Variants in PIK3C3 observed in about 807,000 individuals in gnomAD.
PIK3C3 encodes the protein PI3-kinase type 3.
In PIK3C3, 95 loss-of-function variants were observed where a neutral mutation model predicts 126.1. The observed-to-expected ratio is 0.75, with a 90% CI of 0.64 to 0.89. The LOEUF (loss-of-function observed/expected upper bound fraction) is 0.89, where lower values mean the gene tolerates loss of function less well. PIK3C3 is among the 40% of genes least tolerant of loss of function. PIK3C3 has a pLI of 0.00. For missense variants in PIK3C3, 829 were observed against 1,063.2 expected (o/e 0.78, Z 3.06); for synonymous variants, 374 against 360.0 (o/e 1.04, Z -0.44).
At chr18:41,957,857 A>G (rs991678878) in intron 2 of PIK3C3, 99 bp downstream of exon 2, 13 of 861,154 alleles carry the variant, frequency 1.5e-5, no homozygotes, top group Admixed American at 5.2e-5. Context: ...GGAATTTCTT[A>G]ATACCTATAG....
intron 4 of PIK3C3, among the ~76,000 whole-genome samples, chr18:41,985,709 A>G (rs781551611): frequency 6.6e-6 from 1 of 152,182 alleles, no homozygotes; most frequent in Non-Finnish European, 1.5e-5. Flanking sequence ...TAGTGACTGT[A>G]CCAGTTTTAG....
intron 4 of PIK3C3, among the ~76,000 whole-genome samples, chr18:41,984,098 G>GC (rs1408651980): frequency 1.3e-5 from 2 of 151,678 alleles, no homozygotes; most frequent in African/African-American, 4.8e-5. Context: ...CCTAGAATGG[G>GC]CATCCTAGTG....
At chr18:41,980,921 T>G (rs549877358) in intron 4 of PIK3C3, among the ~76,000 whole-genome samples, 48 of 152,254 alleles carry the variant, frequency 3.2e-4, no homozygotes, top group Non-Finnish European at 5.6e-4. Flanking sequence ...GAGTCTTATA[T>G]TTTTTTCTTC....
intron 24 of PIK3C3, among the ~76,000 whole-genome samples, chr18:42,069,795 GC>G (rs1985700612): frequency 6.6e-6 from 1 of 152,274 alleles, no homozygotes; most frequent in Admixed American, 6.5e-5. Context: ...ATATAATGGA[GC>G]TAAAACTCCA....
At chr18:42,001,684 T>A (rs1982297943) in intron 9 of PIK3C3, among the ~76,000 whole-genome samples, 1 of 152,176 alleles carries the variant, frequency 6.6e-6, no homozygotes, top group Admixed American at 6.6e-5. Context: ...GGCAGCAGCA[T>A]ACTTCATAAA....
At chr18:42,063,827 G>A (rs1223114812) in intron 22 of PIK3C3, among the ~76,000 whole-genome samples, 3 of 152,074 alleles carry the variant, frequency 2.0e-5, no homozygotes, top group Non-Finnish European at 4.4e-5. Flanking sequence ...AGAGAAGACA[G>A]TGCAAGGCGC....
rs190549729 is a variant in PIK3C3, at chr18:42,004,791, C to T, written c.1170+250C>T. On this transcript the variant is annotated intron_variant, in intron 10 of 24. Transcript: ENST00000262039. The stretch of plus-strand genomic sequence containing the variant: ...CGTGGTAGGACAGTCTCTCCCAGGA[C>T]ATTTACCTGGCAGCAGAGCTTGTAT... Among the ~76,000 whole-genome samples the T allele has an allele frequency of 4.5e-4, 68 of 152,282 alleles. No homozygotes were observed. The East Asian group carries it at 0.012, about 26-fold the overall frequency.
chr18:42,073,995 T>G (rs1271059984), intron 24 of PIK3C3, among the ~76,000 whole-genome samples: 1 of 152,224 alleles, frequency 6.6e-6, no homozygotes, highest in African/African-American at 2.4e-5. Context: ...TATGTGTATA[T>G]TCACAGCACC....
At chr18:41,964,830 A>G (rs999809470) in intron 3 of PIK3C3, among the ~76,000 whole-genome samples, 1 of 152,084 alleles carries the variant, frequency 6.6e-6, no homozygotes, top group Non-Finnish European at 1.5e-5. Context: ...TGTGTCAGAA[A>G]GGCTTCTAAA....
At chr18:41,958,199 T>C (rs371139042) in intron 2 of PIK3C3, among the ~76,000 whole-genome samples, 41 of 144,238 alleles carry the variant, frequency 2.8e-4, no homozygotes, top group African/African-American at 1.2e-3. Context: ...ATGAAACTAA[T>C]TTATTTAGAT....
At chr18:42,034,204 TA>T (rs1477611057) in intron 16 of PIK3C3, among the ~76,000 whole-genome samples, 1 of 152,160 alleles carries the variant, frequency 6.6e-6, no homozygotes. Context: ...GGTTGTTTTT[TA>T]ATATTTAATT....
chr18:42,053,991 A>G (rs1417805884), intron 21 of PIK3C3, among the ~76,000 whole-genome samples: 1 of 151,218 alleles, frequency 6.6e-6, no homozygotes, highest in African/African-American at 2.4e-5. Context: ...GCCACTTTAG[A>G]GTAATACACT....
chr18:41,983,852 C>G (rs1308370684), intron 4 of PIK3C3, among the ~76,000 whole-genome samples: 3 of 152,056 alleles, frequency 2.0e-5, no homozygotes, highest in African/African-American at 7.2e-5. Flanking sequence ...AAGAAGTTTC[C>G]CAGGCATGTT....
At chr18:42,068,937 G>A (rs1439024558) in intron 24 of PIK3C3, among the ~76,000 whole-genome samples, 19 of 134,950 alleles carry the variant, frequency 1.4e-4, no homozygotes, top group Non-Finnish European at 2.5e-4. Flanking sequence ...GCAACAGAGC[G>A]AGACTCCGTC....
At chr18:42,029,296 C>T in intron 14 of PIK3C3, 29 bp from the exon 15 acceptor site, 1 of 1,370,692 alleles carries the variant, frequency 7.3e-7, no homozygotes, top group South Asian at 1.2e-5. Context: ...CAACATAGAA[C>T]TAATTTTTTC....
intron 10 of PIK3C3, among the ~76,000 whole-genome samples, chr18:42,010,170 A>G (rs1321750476): frequency 2.0e-5 from 3 of 152,166 alleles, no homozygotes; most frequent in Non-Finnish European, 4.4e-5. Flanking sequence ...CATTTCAACA[A>G]TGTTCACAGC....
At chr18:42,070,835 T>G (rs1433469730) in intron 24 of PIK3C3, among the ~76,000 whole-genome samples, 1 of 152,228 alleles carries the variant, frequency 6.6e-6, no homozygotes. Context: ...GTACCTATTC[T>G]TCTATTCATA....
At chr18:41,975,953 G>T (rs1337029797) in intron 4 of PIK3C3, among the ~76,000 whole-genome samples, 1 of 152,120 alleles carries the variant, frequency 6.6e-6, no homozygotes, top group Non-Finnish European at 1.5e-5. Context: ...GCCTGCCTTG[G>T]CCTCCCAAAG....
rs1457115050 is a variant in PIK3C3 at position 42,082,692 on chromosome 18, G to C, written c.*1555G>C. On this transcript the variant is annotated 3_prime_UTR_variant, in exon 25 of 25. Transcript: ENST00000262039. ...GTTGAAACTGACCTTTCTTCCGTGT[G>C]AACTCCTACACTTGCATCTCCTATT... 6.6e-6 allele frequency: 1 copy of C among 152,078 alleles called. No homozygotes were observed. The highest frequency in any genetic ancestry group is 1.9e-4 in the East Asian group (1 of 5,194). The allele number at this position is 152,078 out of a possible 1,614,324, so 9.4% of individuals were successfully genotyped here.
Sources: gnomAD v4.1 joint callset for allele counts (sites outside exome capture counted in the v4.1 genomes callset) on GRCh38, gnomAD v4.1.1 for gene constraint, MANE v1.5 for transcripts, NCBI Gene and HGNC (gene_info 2026-07-23, HGNC 2026-07-21) for gene names.